The following GRID2 variants were observed in gnomAD, a reference collection of about 807,000 sequenced individuals.
The protein encoded by GRID2 is glutamate receptor ionotropic, delta-2.
GRID2 carries 33 observed loss-of-function variants against 114.8 expected under a neutral mutation model. That is an observed-to-expected ratio of 0.29 (90% CI 0.22 to 0.38). The LOEUF (loss-of-function observed/expected upper bound fraction) is 0.38, where lower values mean the gene tolerates loss of function less well. Among genes scored for constraint, GRID2 ranks in the 10% least tolerant of loss-of-function variants. The pLI, the probability that GRID2 is intolerant of heterozygous loss-of-function variation, is 1.00. For synonymous variants in GRID2, 505 were observed against 449.9 expected, an observed-to-expected ratio of 1.12 and a Z score of -1.55; for missense variants, 1,184 against 1,257.7, an observed-to-expected ratio of 0.94 and a Z score of 0.89.
intron 2 of GRID2, among the ~76,000 whole-genome samples, chr4:93,056,678 T>C (rs1051163301): frequency 6.6e-6 from 1 of 152,000 alleles, no homozygotes; most frequent in East Asian, 1.9e-4. Flanking sequence ...TTTCCAGTTA[T>C]ATTCGTGCAT....
At chr4:92,893,255 T>A (rs1263966189) in intron 2 of GRID2, among the ~76,000 whole-genome samples, 1 of 152,108 alleles carries the variant, frequency 6.6e-6, no homozygotes, top group East Asian at 1.9e-4. Flanking sequence ...CAGAAGTGAG[T>A]GCTCACTGAT....
chr4:93,514,491 T>C (rs1578166174), intron 12 of GRID2, among the ~76,000 whole-genome samples: 2 of 149,504 alleles, frequency 1.3e-5, no homozygotes, highest in African/African-American at 4.9e-5. Context: ...AAACGAAATA[T>C]AGAAATAACA....
rs536254692 is a variant in GRID2 at position 92,586,232 on chromosome 4, T to G, written c.89-3899T>G. On this transcript the variant is annotated intron_variant, in intron 1 of 15. Transcript: ENST00000282020. ...AAAAATCTTCGAATGTTTGGAGACT[T>G]GTTGAGTTGGTTAGGTTAGTGAACT... Among the ~76,000 whole-genome samples the G allele has an allele frequency of 3.9e-5, 6 of 152,006 alleles. No homozygotes were observed. In the East Asian group the frequency reaches 1.2e-3, roughly 29 times the overall value.
At chr4:92,743,191 C>T (rs945838504) in intron 2 of GRID2, among the ~76,000 whole-genome samples, 10 of 152,104 alleles carry the variant, frequency 6.6e-5, no homozygotes, top group Admixed American at 2.6e-4. Flanking sequence ...GTAGGAGGAT[C>T]GCTTCAGCCC....
At chr4:92,621,898 AAG>A (rs536287318) in intron 2 of GRID2, among the ~76,000 whole-genome samples, 89 of 151,974 alleles carry the variant, frequency 5.9e-4, no homozygotes, top group African/African-American at 2.0e-3. Flanking sequence ...TTTCTGAAGA[AAG>A]AGAAAAAATT....
intron 2 of GRID2, among the ~76,000 whole-genome samples, chr4:92,635,152 A>G (rs978631545): frequency 6.6e-6 from 1 of 152,128 alleles, no homozygotes; most frequent in African/African-American, 2.4e-5. Context: ...CATAAAAAAC[A>G]GTGGTAAAAA....
chr4:93,680,380 G>A (rs879897516), intron 14 of GRID2, among the ~76,000 whole-genome samples: 2,398 of 148,106 alleles, frequency 0.016, 29 homozygotes, highest in African/African-American at 0.036. Context: ...TCCTTCTGAA[G>A]CTATTCCAAT....
chr4:92,826,689 A>G (rs116317966), intron 2 of GRID2, among the ~76,000 whole-genome samples: 1 of 152,172 alleles, frequency 6.6e-6, no homozygotes, highest in African/African-American at 2.4e-5. Flanking sequence ...GTGACAATTT[A>G]TAATTATCTG....
intron 1 of GRID2, among the ~76,000 whole-genome samples, chr4:93,805,174 A>G (rs779819754): frequency 1.3e-5 from 2 of 152,236 alleles, no homozygotes; most frequent in Non-Finnish European, 2.9e-5. Context: ...ATGTTTCTTT[A>G]TGTAGCACCA....
chr4:93,320,913 A>C (rs1430944247), intron 8 of GRID2, among the ~76,000 whole-genome samples: 1 of 152,036 alleles, frequency 6.6e-6, no homozygotes, highest in African/African-American at 2.4e-5. Flanking sequence ...ACTCTGAGAT[A>C]TATATTAATA....
chr4:93,349,467 A>G (rs909595831), intron 8 of GRID2, among the ~76,000 whole-genome samples: 7 of 152,050 alleles, frequency 4.6e-5, no homozygotes, highest in Non-Finnish European at 8.8e-5. Flanking sequence ...CATTCATGGA[A>G]ATTTTCAGAA....
chr4:92,979,905 A>G (rs1416714197), intron 2 of GRID2, among the ~76,000 whole-genome samples: 1 of 152,220 alleles, frequency 6.6e-6, no homozygotes, highest in South Asian at 2.1e-4. Flanking sequence ...TATGGTACTT[A>G]GAGTGGTCAG....
At chr4:93,344,538 AC>A (rs1489936527) in intron 8 of GRID2, among the ~76,000 whole-genome samples, 1 of 151,254 alleles carries the variant, frequency 6.6e-6, no homozygotes, top group Non-Finnish European at 1.5e-5. Flanking sequence ...AAGCTAATTA[AC>A]ATCTATTGTT....
chr4:92,391,930 G>A (rs1224998611), intron 1 of GRID2, among the ~76,000 whole-genome samples: 1 of 152,098 alleles, frequency 6.6e-6, no homozygotes, highest in Non-Finnish European at 1.5e-5. Context: ...AATCAATTCT[G>A]GAAAGGTATT....
intron 4 of GRID2, among the ~76,000 whole-genome samples, chr4:93,113,576 T>C (rs1732971002): frequency 6.6e-6 from 1 of 152,236 alleles, no homozygotes; most frequent in African/African-American, 2.4e-5. Context: ...GCACTAGCGA[T>C]ACAATGACAA....
intron 2 of GRID2, among the ~76,000 whole-genome samples, chr4:92,781,937 A>AT (rs1281904080): frequency 6.6e-6 from 1 of 151,980 alleles, no homozygotes; most frequent in Admixed American, 6.6e-5. Flanking sequence ...CTGTATTGAT[A>AT]TTGTCTGCTT....
chr4:93,182,634 T>C (rs1429532207), intron 4 of GRID2, among the ~76,000 whole-genome samples: 1 of 152,260 alleles, frequency 6.6e-6, no homozygotes, highest in Admixed American at 6.5e-5. Flanking sequence ...TCAAGTTTCC[T>C]TATTGTTCTG....
chr4:92,482,357 A>C (rs960166838), intron 1 of GRID2, among the ~76,000 whole-genome samples: 20 of 152,014 alleles, frequency 1.3e-4, no homozygotes, highest in African/African-American at 4.8e-4. Context: ...ACATGGGTTG[A>C]AAAACTACTT....
At chr4:93,133,991 G>A (rs1735026233) in intron 4 of GRID2, among the ~76,000 whole-genome samples, 1 of 152,066 alleles carries the variant, frequency 6.6e-6, no homozygotes, top group African/African-American at 2.4e-5. Flanking sequence ...TCACTTTTAG[G>A]GTGAATAAAA....
Sources: gnomAD v4.1 joint callset for allele counts (sites outside exome capture counted in the v4.1 genomes callset) on GRCh38, gnomAD v4.1.1 for gene constraint, MANE v1.5 for transcripts, NCBI Gene and HGNC (gene_info 2026-07-23, HGNC 2026-07-21) for gene names.